AMDHD1: variants seen among roughly 807,000 people sequenced by gnomAD.
AMDHD1 encodes the protein probable imidazolonepropionase.
AMDHD1 carries 45 observed loss-of-function variants against 44.1 expected under a neutral mutation model. The observed-to-expected ratio is 1.02, with a 90% confidence interval of 0.80 to 1.31. AMDHD1 has a LOEUF of 1.31. AMDHD1 is among the 50% of genes most tolerant of loss of function. The pLI is 0.00. For missense variants in AMDHD1, 586 were observed against 552.1 expected (o/e 1.06, Z -0.61); for synonymous variants, 206 against 205.0 (o/e 1.00, Z -0.04).
chr12:95,964,166 G>A (rs1234133825), intron 6 of AMDHD1, among the ~76,000 whole-genome samples: 4 of 152,074 alleles, frequency 2.6e-5, no homozygotes, highest in Non-Finnish European at 4.4e-5. Context: ...ACCAGCGGAG[G>A]CTGTCATCTG....
At chr12:95,958,336 A>G (rs563955922) in intron 4 of AMDHD1, among the ~76,000 whole-genome samples, 16 of 152,170 alleles carry the variant, frequency 1.1e-4, no homozygotes, top group Non-Finnish European at 1.8e-4. Flanking sequence ...AATCAGAGGA[A>G]CTAAAAAAGT....
chr12:95,945,788 T>TTTG (rs1278943713), intron 1 of AMDHD1, among the ~76,000 whole-genome samples: 1 of 152,056 alleles, frequency 6.6e-6, no homozygotes, highest in Non-Finnish European at 1.5e-5. Context: ...TGTGTGTTTT[T>TTTG]TTTTTTCCCA....
intron 4 of AMDHD1, among the ~76,000 whole-genome samples, chr12:95,959,286 C>A (rs1350372252): frequency 6.6e-6 from 1 of 152,194 alleles, no homozygotes; most frequent in African/African-American, 2.4e-5. Flanking sequence ...CAAATAACAG[C>A]TAAAGAGCAT....
At chr12:95,957,621 C>A (rs1454138623) in intron 4 of AMDHD1, among the ~76,000 whole-genome samples, 3 of 152,016 alleles carry the variant, frequency 2.0e-5, no homozygotes, top group Non-Finnish European at 2.9e-5. Context: ...TAAGGTGCCT[C>A]CAAAGTCTTA....
At chr12:95,945,372 AT>A (rs1370320259) in intron 1 of AMDHD1, among the ~76,000 whole-genome samples, 1 of 152,218 alleles carries the variant, frequency 6.6e-6, no homozygotes, top group East Asian at 1.9e-4. Flanking sequence ...GAACTTTGCC[AT>A]TCAAATATGA....
intron 6 of AMDHD1, among the ~76,000 whole-genome samples, chr12:95,965,293 C>A (rs2080604132): frequency 2.3e-5 from 2 of 86,284 alleles, no homozygotes; most frequent in Admixed American, 1.6e-4. Context: ...ACAGAGATTC[C>A]ATCTCAAAAA....
chr12:95,947,690 G>C (rs1475645695), intron 1 of AMDHD1, among the ~76,000 whole-genome samples: 1 of 53,536 alleles, frequency 1.9e-5, no homozygotes, highest in Non-Finnish European at 3.2e-5. Context: ...TGCCCGGCCA[G>C]CCACCCCGTC....
intron 1 of AMDHD1, among the ~76,000 whole-genome samples, chr12:95,945,760 T>C (rs1402031418): frequency 7.1e-6 from 1 of 141,444 alleles, no homozygotes; most frequent in Non-Finnish European, 1.5e-5. Context: ...AAGCCCAGAA[T>C]TGGATGGATT....
rs55989254 is a variant in AMDHD1, at chr12:95,967,736, GTTT to G, written c.1194-7_1194-5del. The G allele has an allele frequency of 1.1e-4, 135 of 1,259,006 alleles. No homozygotes were observed. The highest frequency in any genetic ancestry group is 1.4e-4 in the South Asian group (9 of 65,450). 78.0% of individuals were successfully genotyped at this position (1,259,006 alleles called of 1,614,324 possible). A position where few individuals can be genotyped will look rare whatever the true frequency, so the allele number is the denominator to read the frequency against. On this transcript the variant is annotated splice_polypyrimidine_tract_variant and intron_variant, in intron 8 of 8. Transcript: ENST00000266736. ...TGCACACATTGAAGTAATATTTGTT[GTTT>G]TTTTTTTTTTTTCTAGATGGGAGCA...
Position 95,960,411 on chromosome 12 carries a change from A to G in AMDHD1, c.601A>G (p.Thr201Ala), listed in dbSNP as rs1256838760. ...TTTCTTCCCCAGAGGAAAAACTGCT[A>G]CTGAAGCTGCTGATGACATCATCAA... ...AHSVPKGKTA[T>A]EAADDIINNH... The change falls in exon 5 of 9, where the codon ACT becomes GCT. Residue 201 changes from threonine (T) to alanine (A), a missense_variant. Thr to Ala is a moderately conservative substitution (Grantham distance 58, BLOSUM62 0). Coordinates refer to ENST00000266736, the MANE Select transcript of AMDHD1 (RefSeq NM_152435.3). 2.5e-6 allele frequency: 4 copies of G among 1,613,922 alleles called. No individual in the cohort carries two copies. The highest frequency in any genetic ancestry group is 2.2e-5 in the South Asian group (2 of 90,908).
At chr12:95,946,577 C>CACAGAGGGG (rs1592819993) in intron 1 of AMDHD1, among the ~76,000 whole-genome samples, 1 of 44,462 alleles carries the variant, frequency 2.2e-5, no homozygotes, top group Non-Finnish European at 5.3e-5. Context: ...TAAGAGACTG[C>CACAGAGGGG]TCCCCCTCCC....
At chr12:95,965,657 A>G (rs890434687) in intron 6 of AMDHD1, 29 bp from the exon 7 acceptor site, 1 of 1,517,880 alleles carries the variant, frequency 6.6e-7, no homozygotes, top group Non-Finnish European at 9.1e-7. Flanking sequence ...CCCATTCTAG[A>G]GACTGACATA....
At chr12:95,949,153 A>G (rs1332356181) in intron 1 of AMDHD1, among the ~76,000 whole-genome samples, 3 of 18,708 alleles carry the variant, frequency 1.6e-4, no homozygotes, top group African/African-American at 5.0e-4. Context: ...AAAAAAAAAA[A>G]AAAAAAGAAA....
chr12:95,947,660 C>G (rs1271641377), intron 1 of AMDHD1, among the ~76,000 whole-genome samples: 1 of 46,348 alleles, frequency 2.2e-5, no homozygotes, highest in African/African-American at 1.3e-4. Flanking sequence ...CCGCCCCGTC[C>G]GGGAGGTGAG....
chr12:95,966,277 T>C, intron 7 of AMDHD1, 71 bp from the exon 8 acceptor site: 1 of 1,556,376 alleles, frequency 6.4e-7, no homozygotes, highest in East Asian at 2.2e-5. Context: ...TGTTGTGCTG[T>C]GTTGAGAAAT....
At chr12:95,958,827 G>A (rs1196049335) in intron 4 of AMDHD1, among the ~76,000 whole-genome samples, 5 of 152,202 alleles carry the variant, frequency 3.3e-5, no homozygotes, top group East Asian at 1.9e-4. Context: ...GGGCCGAGGC[G>A]GGTGGATCAC....
At chr12:95,962,566 T>A (rs1418734636) in intron 6 of AMDHD1, 87 bp downstream of exon 6, 1 of 1,401,136 alleles carries the variant, frequency 7.1e-7, no homozygotes. Context: ...ATTATTTCAT[T>A]GCCCTTACAA....
intron 1 of AMDHD1, among the ~76,000 whole-genome samples, chr12:95,951,799 A>C (rs916513307): frequency 6.6e-6 from 1 of 152,066 alleles, no homozygotes; most frequent in Admixed American, 6.5e-5. Flanking sequence ...ATGATCTCTC[A>C]TTGTGGTTTT....
intron 2 of AMDHD1, among the ~76,000 whole-genome samples, chr12:95,953,256 G>T (rs1360645387): frequency 6.6e-6 from 1 of 152,210 alleles, no homozygotes; most frequent in Non-Finnish European, 1.5e-5. Context: ...TAACAAGGCA[G>T]CTGCTGTCTC....
Sources: allele counts gnomAD v4.1 joint callset (sites outside exome capture counted in the v4.1 genomes callset), GRCh38; gene constraint gnomAD v4.1.1; transcripts MANE v1.5; gene names NCBI Gene and HGNC (gene_info 2026-07-23, HGNC 2026-07-21).